Variants in MYBPC1 observed in about 807,000 individuals in gnomAD.
The protein encoded by MYBPC1 is myosin-binding protein C, slow-type.
A neutral mutation model predicts 147.1 loss-of-function variants in MYBPC1; 52 were observed. That is an observed-to-expected ratio of 0.35 (90% CI 0.28 to 0.45). MYBPC1 has a LOEUF of 0.45. Among genes scored for constraint, MYBPC1 ranks in the 20% least tolerant of loss-of-function variants. MYBPC1 has a pLI of 1.00. For synonymous variants in MYBPC1, 477 were observed against 475.9 expected (o/e 1.00, Z -0.03); for missense variants, 1,228 against 1,440.3 (o/e 0.85, Z 2.39).
intron 22 of MYBPC1, among the ~76,000 whole-genome samples, chr12:101,665,114 C>T (rs937877880): frequency 1.3e-5 from 2 of 152,032 alleles, no homozygotes; most frequent in Non-Finnish European, 2.9e-5. Context: ...TGATGTTACC[C>T]ACCTTAGATA....
the MYBPC1 span, among the ~76,000 whole-genome samples, chr12:101,691,783 C>G: frequency 6.6e-5 from 10 of 152,302 alleles, no homozygotes; most frequent in Non-Finnish European, 1.2e-4. Context: ...TTTTAAAATA[C>G]ATATTTTTTA....
At chr12:101,677,921 C>A (rs552698934) in intron 27 of MYBPC1, among the ~76,000 whole-genome samples, 181 bp from the exon 28 acceptor site, 2 of 152,320 alleles carry the variant, frequency 1.3e-5, no homozygotes, top group African/African-American at 4.8e-5. Flanking sequence ...GCTTTCTATC[C>A]CACGTGTGAT....
intron 3 of MYBPC1, among the ~76,000 whole-genome samples, chr12:101,621,805 T>A (rs1359289701): frequency 8.9e-6 from 1 of 112,684 alleles, no homozygotes; most frequent in Non-Finnish European, 2.1e-5. Context: ...TCTCTGGAGC[T>A]TTTTATTCAG....
At chr12:101,598,023 T>C (rs1418121678) in intron 1 of MYBPC1, among the ~76,000 whole-genome samples, 7 of 150,772 alleles carry the variant, frequency 4.6e-5, no homozygotes, top group Admixed American at 2.6e-4. Flanking sequence ...TTTCTTTTTT[T>C]TTTTTTTTTT....
intron 9 of MYBPC1, 83 bp from the exon 10 acceptor site, chr12:101,636,589 C>T (rs2293469): frequency 3.6e-5 from 41 of 1,124,146 alleles, no homozygotes; most frequent in African/African-American, 3.5e-4. Flanking sequence ...ATTGCATATA[C>T]GTTACATGTA....
At position 101,678,178 on chromosome 12, in the gene MYBPC1, C is replaced by T. The variant is rs1251825433; in HGVS notation, c.3186C>T (p.Asn1062=). 2.5e-5 allele frequency: 41 copies of T among 1,614,108 alleles called. No individual in the cohort carries two copies. The highest frequency in any genetic ancestry group is 3.3e-5 in the Non-Finnish European group (39 of 1,179,932). ...CCATGTTTACTCAGCCTTTGGTTAA[C>T]ACCTATGCCATAGCTGGTTACAATG... ...EAPMFTQPLV[N]TYAIAGYNAT... is the part of the protein sequence containing the mutation. Residue 1062 remains asparagine (N), a synonymous_variant, in exon 28 of 32, where the codon AAC becomes AAT. Transcript: ENST00000361466.
At chr12:101,621,982 G>A (rs1887519325) in intron 3 of MYBPC1, among the ~76,000 whole-genome samples, 1 of 152,118 alleles carries the variant, frequency 6.6e-6, no homozygotes, top group South Asian at 2.1e-4. Flanking sequence ...ATTTTCCCAT[G>A]ACTTACAGAT....
rs944227723 is a variant in MYBPC1, at chr12:101,640,716, C to T, written c.666-1703C>T. 5.9e-5 allele frequency among the ~76,000 whole-genome samples: 9 copies of T among 152,296 alleles called. No individual in the cohort carries two copies. In the East Asian group the frequency reaches 1.2e-3, roughly 20 times the overall value. ...AAATGGAAGTTAGATATTCAGATGTCATCCTTGCCTAATGCCACCCTAAAC... is the reference window on the plus strand; with the variant it reads ...AAATGGAAGTTAGATATTCAGATGTTATCCTTGCCTAATGCCACCCTAAAC... On this transcript the variant is annotated intron_variant, in intron 10 of 31. Coordinates refer to ENST00000361466, the MANE Select transcript of MYBPC1 (RefSeq NM_002465.4).
intron 12 of MYBPC1, 80 bp from the exon 13 acceptor site, chr12:101,646,683 T>C (rs1055138723): frequency 1.3e-6 from 2 of 1,525,950 alleles, no homozygotes; most frequent in African/African-American, 2.7e-5. Context: ...TACCAAATTA[T>C]AAGCCAAATT....
Position 101,614,372 on chromosome 12 carries a change from AT to A in MYBPC1, c.26-123del. On this transcript the variant is annotated intron_variant, in intron 1 of 31. Transcript: ENST00000361466. ...AAGAGAGAATGTGTTTCCCTCCTCC[AT>A]CCCTCTTGTGAGTACACACAGGTGA... 3 of 942,454 alleles carry A rather than the reference AT, an allele frequency of 3.2e-6. No individual in the cohort carries two copies. The South Asian group carries it at 4.1e-5, about 13-fold the overall frequency. 58.4% of individuals were successfully genotyped at this position (942,454 alleles called of 1,614,324 possible).
At chr12:101,675,963 G>C (rs765862552) in intron 26 of MYBPC1, among the ~76,000 whole-genome samples, 1 of 152,228 alleles carries the variant, frequency 6.6e-6, no homozygotes. Context: ...GAAAGGTCTG[G>C]AGAAAAAGAG....
At chr12:101,659,046 A>G (rs970589853) in intron 18 of MYBPC1, among the ~76,000 whole-genome samples, 1 of 151,122 alleles carries the variant, frequency 6.6e-6, no homozygotes, top group Non-Finnish European at 1.5e-5. Flanking sequence ...GTGAAAAAAA[A>G]GAAGAAGAAA....
At chr12:101,688,586 C>T (rs1174005399), downstream of MYBPC1, among the ~76,000 whole-genome samples, 1 of 146,788 alleles carries the variant, frequency 6.8e-6, no homozygotes, top group Non-Finnish European at 1.5e-5. Context: ...TTCTGAAGCA[C>T]TATTCAGCTC....
Position 101,617,263 on chromosome 12 carries a change from A to G in MYBPC1, c.103+20A>G, listed in dbSNP as rs751118447. 6.2e-7 allele frequency: 1 copy of G among 1,613,208 alleles called. No individual in the cohort carries two copies. On this transcript the variant is annotated intron_variant, in intron 3 of 31. Transcript: ENST00000361466. ...CAAAAGGTGAGTTGGAGGGAGGGAG[A>G]GTGAGGCTGAAGTCAACAAAATTAG...
rs1593966635 is a variant in MYBPC1, at chr12:101,661,192, A to G, written c.1962A>G (p.Thr654=). 6.2e-7 allele frequency: 1 copy of G among 1,613,762 alleles called. No individual in the cohort carries two copies. The highest frequency in any genetic ancestry group is 1.7e-4 in the Middle Eastern group (1 of 5,884). Residue 654 remains threonine (T), a synonymous_variant, in exon 20 of 32, where the codon ACA becomes ACG. Transcript: ENST00000361466. ...ATCCTCCAGTGGCACCGACTGTGAC[A>G]GAGGTGGGAGATGACTGGTGTATCA... is the stretch of plus-strand genomic sequence containing the variant. ...FPDPPVAPTV[T]EVGDDWCIMN... is the part of the protein sequence containing the mutation.
intron 16 of MYBPC1, 44 bp downstream of exon 16, chr12:101,651,437 C>G: frequency 6.2e-7 from 1 of 1,607,062 alleles, no homozygotes; most frequent in Non-Finnish European, 8.5e-7. Context: ...GGTCCCATTT[C>G]TACTTTCTCC....
At chr12:101,668,508 C>G (rs1897911888) in intron 23 of MYBPC1, among the ~76,000 whole-genome samples, 1 of 152,090 alleles carries the variant, frequency 6.6e-6, no homozygotes, top group Admixed American at 6.5e-5. Context: ...GTTGCCCAGG[C>G]TGGAGTGCAA....
At chr12:101,648,913 T>A (rs1001759699) in intron 14 of MYBPC1, among the ~76,000 whole-genome samples, 11 of 151,878 alleles carry the variant, frequency 7.2e-5, no homozygotes, top group African/African-American at 2.4e-4. Flanking sequence ...TTCATTCTAA[T>A]AGAGAATCAT....
chr12:101,671,327 A>ACACACT (rs1555252573), intron 24 of MYBPC1, among the ~76,000 whole-genome samples: 33 of 103,224 alleles, frequency 3.2e-4, no homozygotes, highest in African/African-American at 9.8e-4. Flanking sequence ...ACACACACAC[A>ACACACT]CACACACACA....
Sources: allele counts gnomAD v4.1 joint callset (sites outside exome capture counted in the v4.1 genomes callset), GRCh38; gene constraint gnomAD v4.1.1; transcripts MANE v1.5; gene names NCBI Gene and HGNC (gene_info 2026-07-23, HGNC 2026-07-21).